RNF19A: variants seen among roughly 807,000 people sequenced by gnomAD.
RNF19A encodes E3 ubiquitin-protein ligase RNF19A.
In RNF19A, 32 loss-of-function variants were observed where a neutral mutation model predicts 75.7. The ratio of observed to expected loss-of-function variants is 0.42; its 90% CI spans 0.32 to 0.57. The LOEUF (loss-of-function observed/expected upper bound fraction) is 0.57. Ranked by LOEUF, RNF19A falls within the 20% of genes least tolerant of loss-of-function variation. The pLI, the probability that RNF19A is intolerant of heterozygous loss-of-function variation, is 0.10. For synonymous variants in RNF19A, 335 were observed against 345.2 expected (o/e 0.97, Z 0.33); for missense variants, 782 against 1,036.3 (o/e 0.75, Z 3.37).
intron 1 of RNF19A, among the ~76,000 whole-genome samples, chr8:100,319,528 C>CTTTTTTTTTTTTTTTTTTTTTTTTTT (rs774604135): frequency 8.2e-6 from 1 of 121,990 alleles, no homozygotes; most frequent in African/African-American, 3.1e-5. Flanking sequence ...ATCTGGTTCA[C>CTTTTTTTTTTTTTTTTTTTTTTTTTT]TTTTTTTTTT....
intron 2 of RNF19A, among the ~76,000 whole-genome samples, chr8:100,278,885 T>C (rs1820649156): frequency 6.6e-6 from 1 of 152,146 alleles, no homozygotes. Flanking sequence ...TTCCAAAATC[T>C]GGTACAATTT....
In RNF19A at chr8:100,331,655, G is replaced by A. The variant is rs1385500317; in HGVS notation, c.-243+4453C>T. Reference sequence around the variant, plus strand: ...AACAAACAAAACAAAACAAAAACCAGATATACGGCGCAAAATTTGAAAGGA... The same window carrying A: ...AACAAACAAAACAAAACAAAAACCAAATATACGGCGCAAAATTTGAAAGGA... On this transcript the variant is annotated intron_variant, in intron 1 of 3. Coordinates refer to the RNF19A transcript ENST00000519527. The surrounding 1 kb of genome is among the most constrained non-coding windows in gnomAD (Gnocchi z 5.2). Among the ~76,000 whole-genome samples, 2 of 152,006 alleles carry A rather than the reference G, an allele frequency of 1.3e-5. No homozygotes were observed. The highest frequency in any genetic ancestry group is 2.9e-5 in the Non-Finnish European group (2 of 67,976).
rs1398565764 is a variant in RNF19A, at chr8:100,261,925, C to T, written c.1469-170G>A. Among the ~76,000 whole-genome samples the T allele has an allele frequency of 6.6e-6, 1 of 152,002 alleles. No homozygotes were observed. Among genetic ancestry groups the T allele is most frequent in the Non-Finnish European group, 1.5e-5 (1 of 68,006 alleles). On this transcript the variant is annotated intron_variant, in intron 7 of 9. Coordinates refer to ENST00000341084, the MANE Select transcript of RNF19A (RefSeq NM_183419.4). The surrounding 1 kb of genome is among the most constrained non-coding windows in gnomAD (Gnocchi z 4.4). ...CTAGAAGCAGTGGGAATAGAGCCAA[C>T]AATTTTAAATGGTCACTAGTTTCTT...
chr8:100,319,930 G>T (rs1822441653), intron 1 of RNF19A, among the ~76,000 whole-genome samples: 2 of 151,006 alleles, frequency 1.3e-5, no homozygotes, highest in Middle Eastern at 3.5e-3. Flanking sequence ...CTGCCTCCCG[G>T]GTTCAAGCAA....
intron 3 of RNF19A, among the ~76,000 whole-genome samples, chr8:100,270,698 C>A (rs1820214920): frequency 6.6e-6 from 1 of 152,044 alleles, no homozygotes; most frequent in Non-Finnish European, 1.5e-5. Flanking sequence ...ACGTTATAAA[C>A]CATGGAAAAC....
At chr8:100,321,517 A>T (rs1415212726) in intron 1 of RNF19A, among the ~76,000 whole-genome samples, 1 of 152,130 alleles carries the variant, frequency 6.6e-6, no homozygotes, top group Non-Finnish European at 1.5e-5. Flanking sequence ...GAACCCCTCA[A>T]AGTCATGCAT....
At position 100,264,750 on chromosome 8, in the gene RNF19A, C is replaced by T. The variant is rs1819891221; in HGVS notation, c.1227G>A (p.Lys409=). The T allele has an allele frequency of 6.2e-7, 1 of 1,613,614 alleles. No homozygotes were observed. The highest frequency in any genetic ancestry group is 8.5e-7 in the Non-Finnish European group (1 of 1,179,616). The part of the protein sequence containing the change: ...HNRYEGKDVS[K]HKRNLAIAGG... ...CTGCTATGGCCAAATTCCGTTTGTG[C>T]TTTGAAACATCCTTGCCTTCATAGC... The change falls in exon 6 of 10, where the codon AAG becomes AAA. Residue 409 remains lysine (K), a synonymous_variant. Coordinates refer to ENST00000341084, the MANE Select transcript of RNF19A (RefSeq NM_183419.4). The surrounding 1 kb of genome is among the most constrained non-coding windows in gnomAD (Gnocchi z 4.7).
At chr8:100,273,533 C>T (rs1019841061) in intron 3 of RNF19A, among the ~76,000 whole-genome samples, 14 of 152,220 alleles carry the variant, frequency 9.2e-5, no homozygotes, top group African/African-American at 2.6e-4. Flanking sequence ...ACAAAAACTC[C>T]CATGGTGACT....
chr8:100,294,004 T>C (rs77162270), intron 1 of RNF19A, among the ~76,000 whole-genome samples: 2,641 of 152,308 alleles, frequency 0.017, 39 homozygotes, highest in Non-Finnish European at 0.029. Context: ...GTCATTATGA[T>C]ATTTCCCCCT....
chr8:100,309,024 G>C (rs1309786223), intron 1 of RNF19A, among the ~76,000 whole-genome samples: 1 of 152,096 alleles, frequency 6.6e-6, no homozygotes, highest in African/African-American at 2.4e-5. Context: ...CCCTTGTCGC[G>C]GGGTTAATGA....
intron 1 of RNF19A, chr8:100,309,576 T>G: frequency 1.0e-6 from 1 of 975,730 alleles, no homozygotes; most frequent in Non-Finnish European, 1.2e-6. Flanking sequence ...AGGACAGGGC[T>G]TGGGGCGGAT....
chr8:100,282,630 A>G (rs1820833674), intron 2 of RNF19A, among the ~76,000 whole-genome samples: 1 of 150,332 alleles, frequency 6.7e-6, no homozygotes, highest in Admixed American at 6.6e-5. Context: ...TCTGTTTTCT[A>G]AGTCCCATGT....
intron 1 of RNF19A, among the ~76,000 whole-genome samples, chr8:100,305,294 T>C (rs1306451684): frequency 6.6e-6 from 1 of 152,206 alleles, no homozygotes; most frequent in Non-Finnish European, 1.5e-5. Context: ...AGCCTGACTT[T>C]CAATCCAACT....
chr8:100,308,506 C>T lies in RNF19A; in HGVS notation c.-94+1361G>A, dbSNP rs188254186. On this transcript the variant is annotated intron_variant, in intron 1 of 9. Coordinates refer to ENST00000341084, the MANE Select transcript of RNF19A (RefSeq NM_183419.4). ...TCAGTCAGTGTTAAAGAAGCAAAAACAGGCAAACAGGGTAATGGCTTGCAT... is the reference window on the plus strand; with the variant it reads ...TCAGTCAGTGTTAAAGAAGCAAAAATAGGCAAACAGGGTAATGGCTTGCAT... Among the ~76,000 whole-genome samples the T allele has an allele frequency of 2.5e-3, 374 of 152,174 alleles. 2 individuals carry two copies. Among genetic ancestry groups the T allele is most frequent in the African/African-American group, 8.7e-3 (362 of 41,514 alleles).
intron 2 of RNF19A, among the ~76,000 whole-genome samples, chr8:100,281,374 A>C (rs917038786): frequency 7.2e-5 from 11 of 152,338 alleles, no homozygotes; most frequent in South Asian, 2.1e-4. Flanking sequence ...TTAACATACC[A>C]ATGTTCAGTA....
rs919916533 is a variant in RNF19A at position 100,287,285 on chromosome 8, G to T, written c.674+216C>A. Among the ~76,000 whole-genome samples, 4 of 152,074 alleles carry T rather than the reference G, an allele frequency of 2.6e-5. No individual in the cohort carries two copies. Among genetic ancestry groups the T allele is most frequent in the Admixed American group, 2.6e-4 (4 of 15,272 alleles). ...CACCTTACCCTTTCCTTCTAAAAGT[G>T]CTCAGTGAGTATGTAACGCAGAGAC... On this transcript the variant is annotated intron_variant, in intron 2 of 9. Coordinates refer to ENST00000341084, the MANE Select transcript of RNF19A (RefSeq NM_183419.4). The surrounding 1 kb of genome is among the most constrained non-coding windows in gnomAD (Gnocchi z 4.1).
intron 1 of RNF19A, among the ~76,000 whole-genome samples, chr8:100,291,946 T>TGAAAA (rs60231223): frequency 0.027 from 4,022 of 148,610 alleles, 188 homozygotes; most frequent in African/African-American, 0.093. Flanking sequence ...CTAGCACTGT[T>TGAAAA]GAACAGAAAG....
At chr8:100,316,674 C>T (rs1224545942) in intron 1 of RNF19A, among the ~76,000 whole-genome samples, 4 of 152,332 alleles carry the variant, frequency 2.6e-5, no homozygotes, top group South Asian at 2.1e-4. Flanking sequence ...AGACTCTCCA[C>T]GTCCCCACCA....
At position 100,325,768 on chromosome 8, in the gene RNF19A, C is replaced by T. The variant is rs1319425406; in HGVS notation, c.-243+10340G>A. On this transcript the variant is annotated intron_variant, in intron 1 of 3. Transcript: ENST00000519527. This position sits in a 1 kb window ranked among gnomAD's most constrained non-coding sequence, Gnocchi z 4.3. Reference sequence around the variant, plus strand: ...TGTATTTATGTGTGAGTATGTATTACACACACACACACACATTTATATCCA... The same window carrying T: ...TGTATTTATGTGTGAGTATGTATTATACACACACACACACATTTATATCCA... Among the ~76,000 whole-genome samples, 13 of 151,208 alleles carry T rather than the reference C, an allele frequency of 8.6e-5. No homozygotes were observed. The highest frequency in any genetic ancestry group is 7.9e-4 in the Admixed American group (12 of 15,160).
Sources: gnomAD v4.1 joint callset for allele counts (sites outside exome capture counted in the v4.1 genomes callset) on GRCh38, gnomAD v4.1.1 for gene constraint, Gnocchi (gnomAD v3.1) non-coding constraint, MANE v1.5 for transcripts, NCBI Gene and HGNC (gene_info 2026-07-23, HGNC 2026-07-21) for gene names.